Variants in PXDNL observed in about 807,000 individuals in gnomAD.
PXDNL encodes the protein probable oxidoreductase PXDNL.
Under a neutral mutation model 150.8 loss-of-function variants are expected in PXDNL, and 145 were observed. The ratio of observed to expected loss-of-function variants is 0.96; its 90% confidence interval spans 0.84 to 1.10. The LOEUF (loss-of-function observed/expected upper bound fraction) is 1.10, where lower values mean the gene tolerates loss of function less well. PXDNL is among the 50% of genes least tolerant of loss of function. The probability of loss-of-function intolerance (pLI) is 0.00; values close to 1 mark genes in which losing one functional copy is unlikely to be tolerated. For synonymous variants in PXDNL, 757 were observed against 725.7 expected (o/e 1.04, Z -0.69); for missense variants, 2,087 against 1,873.9 (o/e 1.11, Z -2.10).
At chr8:51,395,070 C>A (rs557087581) in intron 17 of PXDNL, among the ~76,000 whole-genome samples, 1 of 152,274 alleles carries the variant, frequency 6.6e-6, no homozygotes, top group Non-Finnish European at 1.5e-5. Context: ...AGTAACTACC[C>A]AGAGGCAGAG....
At chr8:51,363,108 T>G (rs958678298) in intron 19 of PXDNL, among the ~76,000 whole-genome samples, 3 of 152,152 alleles carry the variant, frequency 2.0e-5, no homozygotes, top group Non-Finnish European at 4.4e-5. Context: ...CAGTTTTGCC[T>G]CCTGGCTATT....
At position 51,751,030 on chromosome 8, in the gene PXDNL, A is replaced by AT. The variant is rs915874668; in HGVS notation, c.164+58150dup. Among the ~76,000 whole-genome samples the AT allele has an allele frequency of 7.7e-4, 116 of 150,400 alleles. 1 individual carries two copies. Among genetic ancestry groups the AT allele is most frequent in the Middle Eastern group, 3.4e-3 (1 of 294 alleles). On this transcript the variant is annotated intron_variant, in intron 1 of 22. Coordinates refer to ENST00000356297, the MANE Select transcript of PXDNL (RefSeq NM_144651.5). ...AGTCTATCCAGAGAAAATGCCAGTT[A>AT]TTTTTTTTTTGAAAAGTTTTAATTT...
At chr8:51,466,967 T>C (rs1422807422) in intron 8 of PXDNL, among the ~76,000 whole-genome samples, 1 of 152,184 alleles carries the variant, frequency 6.6e-6, no homozygotes, top group Non-Finnish European at 1.5e-5. Flanking sequence ...GTTTAGCCAC[T>C]GCAGAGAGCA....
chr8:51,528,133 CTTAAG>C (rs1360871712), intron 4 of PXDNL, among the ~76,000 whole-genome samples: 2 of 152,148 alleles, frequency 1.3e-5, no homozygotes, highest in East Asian at 1.9e-4. Context: ...TTGACTCATC[CTTAAG>C]TTATTTATAC....
intron 21 of PXDNL, among the ~76,000 whole-genome samples, chr8:51,337,614 C>A (rs753067503): frequency 1.3e-5 from 2 of 152,084 alleles, no homozygotes; most frequent in African/African-American, 4.8e-5. Context: ...CATGGTGGCT[C>A]AGGCCTGTAA....
intron 1 of PXDNL, among the ~76,000 whole-genome samples, chr8:51,703,458 C>T (rs16916743): frequency 0.079 from 12,007 of 152,238 alleles, 697 homozygotes; most frequent in African/African-American, 0.17. Context: ...CCAGTACAAT[C>T]GTATCTTTGC....
At chr8:51,427,773 C>T (rs1033155787) in intron 12 of PXDNL, among the ~76,000 whole-genome samples, 2 of 152,094 alleles carry the variant, frequency 1.3e-5, no homozygotes, top group East Asian at 3.9e-4. Flanking sequence ...TATACAAAAG[C>T]CCTAGAGTAA....
At chr8:51,497,625 C>CG (rs1811082860) in intron 5 of PXDNL, among the ~76,000 whole-genome samples, 1 of 151,750 alleles carries the variant, frequency 6.6e-6, no homozygotes, top group South Asian at 2.1e-4. Context: ...GTGAAGGACA[C>CG]GAACAGACAC....
chr8:51,726,775 T>C (rs943351375), intron 1 of PXDNL, among the ~76,000 whole-genome samples: 4 of 152,170 alleles, frequency 2.6e-5, no homozygotes, highest in Non-Finnish European at 5.9e-5. Flanking sequence ...TAAAAGCTTA[T>C]TTAAAAAAAT....
In PXDNL at chr8:51,613,209, A is replaced by T. The variant is rs528342631; in HGVS notation, c.237-20511T>A. Among the ~76,000 whole-genome samples the T allele has an allele frequency of 1.3e-3, 198 of 151,888 alleles. 1 individual carries two copies. Among genetic ancestry groups the T allele is most frequent in the Non-Finnish European group, 1.6e-3 (112 of 67,956 alleles). ...GATGCTGTCACTGTTCACCAAAAAAAATATATATATATGTATATATATGGC... is the reference window on the plus strand; with the variant it reads ...GATGCTGTCACTGTTCACCAAAAAATATATATATATATGTATATATATGGC... On this transcript the variant is annotated intron_variant, in intron 2 of 22. Coordinates refer to ENST00000356297, the MANE Select transcript of PXDNL (RefSeq NM_144651.5).
chr8:51,484,266 G>C (rs1203677550), intron 5 of PXDNL, among the ~76,000 whole-genome samples: 1 of 151,900 alleles, frequency 6.6e-6, no homozygotes, highest in African/African-American at 2.4e-5. Context: ...GTGAAACCCT[G>C]TCTACCAAAT....
intron 8 of PXDNL, among the ~76,000 whole-genome samples, chr8:51,466,453 C>T (rs1449703502): frequency 6.6e-6 from 1 of 151,810 alleles, no homozygotes; most frequent in Non-Finnish European, 1.5e-5. Flanking sequence ...TTTTAGAAAA[C>T]CTAAGAAATA....
At chr8:51,713,662 C>T (rs916881954) in intron 1 of PXDNL, among the ~76,000 whole-genome samples, 1 of 152,148 alleles carries the variant, frequency 6.6e-6, no homozygotes, top group African/African-American at 2.4e-5. Context: ...GTCAAACAAG[C>T]TTTATCCTTT....
chr8:51,500,522 AACAG>A (rs1316372337), intron 4 of PXDNL, among the ~76,000 whole-genome samples: 7 of 152,236 alleles, frequency 4.6e-5, no homozygotes, highest in Admixed American at 3.9e-4. Flanking sequence ...AAATCTTCCC[AACAG>A]ACAGAAAGAT....
rs117003095 is a variant in PXDNL at position 51,790,936 on chromosome 8, C to A, written c.164+18245G>T. On this transcript the variant is annotated intron_variant, in intron 1 of 22. Transcript: ENST00000356297. ...CCTGCCTTATTTTTTAAAAAGAGATCCAGAATCTTTTAGAATTTACCATTT... is the reference window on the plus strand; with the variant it reads ...CCTGCCTTATTTTTTAAAAAGAGATACAGAATCTTTTAGAATTTACCATTT... Among the ~76,000 whole-genome samples the A allele has an allele frequency of 1.2e-3, 180 of 151,426 alleles. 1 individual carries two copies. The highest frequency in any genetic ancestry group is 1.3e-3 in the Non-Finnish European group (90 of 67,792).
intron 1 of PXDNL, among the ~76,000 whole-genome samples, chr8:51,669,965 G>A (rs1384533667): frequency 6.6e-6 from 1 of 152,120 alleles, no homozygotes; most frequent in Non-Finnish European, 1.5e-5. Context: ...GGCTGAGCAC[G>A]GTGGCTCATG....
intron 1 of PXDNL, among the ~76,000 whole-genome samples, chr8:51,700,877 C>A (rs549324426): frequency 1.3e-5 from 2 of 151,652 alleles, no homozygotes; most frequent in African/African-American, 2.4e-5. Context: ...TATACACACA[C>A]TCATATACAT....
At chr8:51,556,750 A>G (rs756382912) in intron 4 of PXDNL, 90 bp downstream of exon 4, 4 of 724,652 alleles carry the variant, frequency 5.5e-6, no homozygotes, top group Non-Finnish European at 7.4e-6. Context: ...GCTTAAAATA[A>G]TTGTTCAACT....
At chr8:51,565,687 C>CA (rs995723607) in intron 3 of PXDNL, among the ~76,000 whole-genome samples, 15 of 151,756 alleles carry the variant, frequency 9.9e-5, no homozygotes, top group Admixed American at 9.9e-4. Context: ...TTGTCTCATG[C>CA]AAAAAATTAT....
Sources: allele counts gnomAD v4.1 joint callset (sites outside exome capture counted in the v4.1 genomes callset), GRCh38; gene constraint gnomAD v4.1.1; transcripts MANE v1.5; gene names NCBI Gene and HGNC (gene_info 2026-07-23, HGNC 2026-07-21).